The following PLEKHH2 variants were observed in gnomAD, a reference collection of about 807,000 sequenced individuals.
PLEKHH2 encodes the protein pleckstrin homology domain-containing family H member 2.
Under a neutral mutation model 187.9 loss-of-function variants are expected in PLEKHH2, and 129 were observed. The ratio of observed to expected loss-of-function variants is 0.69; its 90% CI spans 0.59 to 0.79. The LOEUF is 0.79. PLEKHH2 is among the 30% of genes least tolerant of loss of function. The pLI is 0.00. For missense variants in PLEKHH2, 2,076 were observed against 1,751.2 expected (o/e 1.19, Z -3.31); for synonymous variants, 686 against 605.6 (o/e 1.13, Z -1.95).
rs1002191292 is a variant in PLEKHH2, at chr2:43,648,560, C to T, written c.123+3764C>T. Among the ~76,000 whole-genome samples, 76 of 137,956 alleles carry T rather than the reference C, an allele frequency of 5.5e-4. No homozygotes were observed. In the South Asian group the frequency reaches 7.7e-3, roughly 14 times the overall value. 90.5% of individuals were successfully genotyped at this position (137,956 alleles called of 152,430 possible). ...GAGGTGACCTAAATGTAATTACATT[C>T]GTGTGTGTGTGTGTGTGTGTGTGTG... On this transcript the variant is annotated intron_variant, in intron 2 of 29. Transcript: ENST00000282406.
At chr2:43,653,830 A>G (rs922994254) in intron 2 of PLEKHH2, among the ~76,000 whole-genome samples, 7 of 152,212 alleles carry the variant, frequency 4.6e-5, no homozygotes, top group Non-Finnish European at 8.8e-5. Flanking sequence ...AACTCTAGGA[A>G]AAAAAAGACA....
At chr2:43,729,794 C>G in intron 18 of PLEKHH2, 49 bp downstream of exon 18, 1 of 1,308,982 alleles carries the variant, frequency 7.6e-7, no homozygotes, top group Non-Finnish European at 1.0e-6. Context: ...TGAAATGGAC[C>G]TCAACCCGCT....
chr2:43,707,506 A>C lies in PLEKHH2; in HGVS notation c.1927A>C (p.Ser643Arg), dbSNP rs757654666. The C allele has an allele frequency of 6.2e-7, 1 of 1,614,186 alleles. No individual in the cohort carries two copies. Among genetic ancestry groups the C allele is most frequent in the Non-Finnish European group, 8.5e-7 (1 of 1,180,016 alleles). The change falls in exon 11 of 30, where the codon AGT (serine) becomes CGT (arginine). Residue 643 changes from serine to arginine, a missense_variant. By Grantham distance (110) the Ser-to-Arg change is moderately radical. Transcript: ENST00000282406. The stretch of plus-strand genomic sequence containing the variant: ...CCGGACGTCAGAGTCAGACTCACGC[A>C]GTAGGAGTGGGCCAGGCAGCCCCAG... The part of the protein sequence containing the change: ...SSRTSESDSR[S>R]RSGPGSPRAM...
intron 3 of PLEKHH2, among the ~76,000 whole-genome samples, chr2:43,683,897 A>G (rs754274015): frequency 6.6e-6 from 1 of 152,024 alleles, no homozygotes; most frequent in African/African-American, 2.4e-5. Context: ...GCAGTTTCAG[A>G]TTTACAGCAA....
At chr2:43,693,289 A>T (rs13398908) in intron 4 of PLEKHH2, among the ~76,000 whole-genome samples, 1 of 152,146 alleles carries the variant, frequency 6.6e-6, no homozygotes, top group African/African-American at 2.4e-5. Context: ...GTATGCCCCT[A>T]AATTGTTTGC....
At position 43,744,119 on chromosome 2, in the gene PLEKHH2, G is replaced by A. The variant is rs147132637; in HGVS notation, c.3555+130G>A. The A allele has an allele frequency of 1.8e-4, 244 of 1,391,158 alleles. 1 individual carries two copies. The highest frequency in any genetic ancestry group is 6.8e-4 in the African/African-American group (47 of 68,864). The allele number at this position is 1,391,158 out of a possible 1,614,324, so 86.2% of individuals were successfully genotyped here. ...AAACTTTAACCAATCTAATCTCCACGATAAGAAAAAAAAAATGCAGGACTT... is the reference window on the plus strand; with the variant it reads ...AAACTTTAACCAATCTAATCTCCACAATAAGAAAAAAAAAATGCAGGACTT... On this transcript the variant is annotated intron_variant, in intron 23 of 29. Coordinates refer to ENST00000282406, the MANE Select transcript of PLEKHH2 (RefSeq NM_172069.4).
At chr2:43,711,360 A>G (rs1669956259) in intron 14 of PLEKHH2, 1 of 985,416 alleles carries the variant, frequency 1.0e-6, no homozygotes, top group Non-Finnish European at 1.2e-6. Context: ...GCAGTTAAGA[A>G]TCATTTGTAA....
intron 1 of PLEKHH2, 139 bp downstream of exon 1, chr2:43,637,518 G>C (rs1703164569): frequency 6.6e-6 from 1 of 152,552 alleles, no homozygotes; most frequent in African/African-American, 2.4e-5. Context: ...GCGGGGACGA[G>C]AGGGACGGAG....
chr2:43,699,151 T>C (rs1028310639), intron 7 of PLEKHH2, among the ~76,000 whole-genome samples: 15 of 152,182 alleles, frequency 9.9e-5, no homozygotes, highest in Non-Finnish European at 2.9e-5. Flanking sequence ...TCTTTGATAG[T>C]GAAAGTTGCC....
chr2:43,723,755 C>T (rs1342473582), intron 16 of PLEKHH2, among the ~76,000 whole-genome samples: 5 of 152,174 alleles, frequency 3.3e-5, no homozygotes, highest in African/African-American at 1.2e-4. Context: ...CACCCTTCAG[C>T]TTTTGCTCTG....
intron 3 of PLEKHH2, among the ~76,000 whole-genome samples, chr2:43,684,719 T>A (rs2104445029): frequency 6.6e-6 from 1 of 151,954 alleles, no homozygotes; most frequent in Non-Finnish European, 1.5e-5. Context: ...AGTTGTTCTT[T>A]GAGGATGTTG....
At chr2:43,659,192 C>T (rs1444195861) in intron 2 of PLEKHH2, among the ~76,000 whole-genome samples, 4 of 148,386 alleles carry the variant, frequency 2.7e-5, no homozygotes, top group Admixed American at 1.3e-4. Context: ...AGGTTTTTGT[C>T]ATGTTGCCCA....
At chr2:43,748,379 A>G (rs1027734031) in intron 24 of PLEKHH2, among the ~76,000 whole-genome samples, 15 of 152,242 alleles carry the variant, frequency 9.9e-5, no homozygotes, top group African/African-American at 3.1e-4. Context: ...TCAAGGTATC[A>G]GTGGCCCTTT....
At chr2:43,685,554 A>G (rs1017347797) in intron 3 of PLEKHH2, among the ~76,000 whole-genome samples, 1 of 150,950 alleles carries the variant, frequency 6.6e-6, no homozygotes, top group Non-Finnish European at 1.5e-5. Context: ...CAGCCTCTGG[A>G]GTAGCTAGGG....
intron 3 of PLEKHH2, chr2:43,681,585 C>T (rs1668188844): frequency 2.3e-6 from 2 of 858,928 alleles, no homozygotes; most frequent in Non-Finnish European, 1.9e-6. Context: ...GCACTCATGA[C>T]TAGTGCCTCT....
chr2:43,754,917 A>G (rs923906678), intron 25 of PLEKHH2, among the ~76,000 whole-genome samples: 14 of 136,914 alleles, frequency 1.0e-4, no homozygotes, highest in Admixed American at 2.4e-4. Flanking sequence ...CTTTTGCCCA[A>G]GCTGGAGTGA....
intron 2 of PLEKHH2, among the ~76,000 whole-genome samples, chr2:43,660,120 C>G (rs1666991789): frequency 6.6e-6 from 1 of 152,152 alleles, no homozygotes; most frequent in Admixed American, 6.5e-5. Context: ...TTTAGAGCAT[C>G]ATATAGTATG....
intron 28 of PLEKHH2, among the ~76,000 whole-genome samples, chr2:43,763,395 C>CATTTT (rs1195773255): frequency 1.3e-4 from 20 of 151,840 alleles, no homozygotes; most frequent in East Asian, 3.9e-4. Context: ...ATATTAGTTA[C>CATTTT]ATTTTATTTT....
At chr2:43,650,500 T>A (rs999208572) in intron 2 of PLEKHH2, among the ~76,000 whole-genome samples, 1 of 152,214 alleles carries the variant, frequency 6.6e-6, no homozygotes, top group African/African-American at 2.4e-5. Flanking sequence ...TACATTATAG[T>A]CTATATTGTG....
Sources: allele counts gnomAD v4.1 joint callset (sites outside exome capture counted in the v4.1 genomes callset), GRCh38; gene constraint gnomAD v4.1.1; transcripts MANE v1.5; gene names NCBI Gene and HGNC (gene_info 2026-07-23, HGNC 2026-07-21).